FAM177A1: variants seen among roughly 807,000 people sequenced by gnomAD.
FAM177A1 encodes family with sequence similarity 177 member A1, also known as protein FAM177A1.
A neutral mutation model predicts 26.1 loss-of-function variants in FAM177A1; 22 were observed. The observed-to-expected ratio is 0.84, with a 90% CI of 0.60 to 1.20. The LOEUF is 1.20. Ranked by LOEUF, FAM177A1 falls within the 50% of genes most tolerant of loss-of-function variation. The probability of loss-of-function intolerance (pLI) is 0.00; values close to 1 mark genes in which losing one functional copy is unlikely to be tolerated. For missense variants in FAM177A1, 296 were observed against 291.1 expected, an observed-to-expected ratio of 1.02 and a Z score of -0.12; for synonymous variants, 95 against 99.3, an observed-to-expected ratio of 0.96 and a Z score of 0.26.
At chr14:35,069,227 A>T (rs2045281805) in intron 2 of FAM177A1, among the ~76,000 whole-genome samples, 1 of 151,510 alleles carries the variant, frequency 6.6e-6, no homozygotes, top group African/African-American at 2.4e-5. Context: ...GTTTGAATGT[A>T]TCGTTGGGTT....
At chr14:35,074,524 C>G (rs1165895382) in intron 2 of FAM177A1, among the ~76,000 whole-genome samples, 1 of 151,634 alleles carries the variant, frequency 6.6e-6, no homozygotes. Flanking sequence ...CGGGGTTTCT[C>G]CATGTTGGTC....
chr14:35,064,640 A>G (rs2045212282), intron 2 of FAM177A1, among the ~76,000 whole-genome samples: 1 of 150,626 alleles, frequency 6.6e-6, no homozygotes, highest in African/African-American at 2.4e-5. Flanking sequence ...GCAAAAAGAG[A>G]TACAATTTAT....
At chr14:35,050,975 C>T (rs2044958282) in intron 1 of FAM177A1, 1 of 152,024 alleles carries the variant, frequency 6.6e-6, no homozygotes, top group Non-Finnish European at 1.5e-5. Context: ...TTATTTTTTT[C>T]ATGGACACAA....
intron 1 of FAM177A1, among the ~76,000 whole-genome samples, chr14:35,047,784 A>AC (rs201362357): frequency 6.1e-4 from 39 of 64,114 alleles, no homozygotes; most frequent in East Asian, 1.2e-3. Context: ...AACAACAACA[A>AC]AAAAAAAACC....
intron 2 of FAM177A1, among the ~76,000 whole-genome samples, chr14:35,059,096 C>T (rs916256315): frequency 2.8e-4 from 42 of 151,942 alleles, no homozygotes; most frequent in African/African-American, 9.4e-4. Flanking sequence ...CCACCACACC[C>T]AGCTAATTTT....
intron 4 of FAM177A1, 47 bp downstream of exon 4, chr14:35,079,071 G>T: frequency 2.1e-6 from 3 of 1,423,320 alleles, no homozygotes; most frequent in Non-Finnish European, 2.9e-6. Context: ...GTTTGCTATG[G>T]ACTTGATGGG....
chr14:35,071,879 TA>T (rs1309722522), intron 2 of FAM177A1, among the ~76,000 whole-genome samples: 2 of 152,208 alleles, frequency 1.3e-5, no homozygotes, highest in Admixed American at 1.3e-4. Flanking sequence ...GCTAATAGCC[TA>T]GTGTTGACTG....
chr14:35,056,182 G>C (rs1469063829), intron 2 of FAM177A1, among the ~76,000 whole-genome samples: 1 of 146,126 alleles, frequency 6.8e-6, no homozygotes, highest in Non-Finnish European at 1.5e-5. Context: ...CTACAGAAAC[G>C]CACCACCACA....
At chr14:35,045,076 A>G (rs1566663713), upstream of FAM177A1, 4 of 152,120 alleles carry the variant, frequency 2.6e-5, no homozygotes, top group African/African-American at 4.8e-5. Context: ...ATGAATGCCA[A>G]TTCATGAAGT....
At chr14:35,048,076 C>A (rs117699879) in intron 1 of FAM177A1, among the ~76,000 whole-genome samples, 3 of 152,124 alleles carry the variant, frequency 2.0e-5, no homozygotes, top group Non-Finnish European at 4.4e-5. Context: ...ATATGGAATA[C>A]GTTTTTTCCC....
At chr14:35,078,257 C>T (rs1216383295) in intron 3 of FAM177A1, among the ~76,000 whole-genome samples, 1 of 152,182 alleles carries the variant, frequency 6.6e-6, no homozygotes, top group Admixed American at 6.5e-5. Context: ...CTACGCCTAA[C>T]CTTTCACAGT....
chr14:35,053,016 A>G, intron 1 of FAM177A1, among the ~76,000 whole-genome samples: 1 of 152,212 alleles, frequency 6.6e-6, no homozygotes, highest in East Asian at 1.9e-4. Flanking sequence ...TTACTGGCCA[A>G]GACATCTGGA....
At chr14:35,045,571 G>C (rs1232624433), upstream of FAM177A1, among the ~76,000 whole-genome samples, 2 of 152,092 alleles carry the variant, frequency 1.3e-5, no homozygotes, top group Middle Eastern at 3.2e-3. Flanking sequence ...TGTATGTTTT[G>C]GTTTTGCCCC....
At chr14:35,053,852 A>T (rs2045017500) in intron 2 of FAM177A1, among the ~76,000 whole-genome samples, 1 of 152,008 alleles carries the variant, frequency 6.6e-6, no homozygotes, top group African/African-American at 2.4e-5. Flanking sequence ...AATTAGCTGG[A>T]CGTATTGGTG....
At chr14:35,080,643 A>C (rs1566676959) in intron 4 of FAM177A1, among the ~76,000 whole-genome samples, 2 of 152,148 alleles carry the variant, frequency 1.3e-5, no homozygotes, top group Non-Finnish European at 2.9e-5. Flanking sequence ...TTTACTAAAA[A>C]TACAAAAATT....
intron 1 of FAM177A1, among the ~76,000 whole-genome samples, chr14:35,052,867 A>G (rs113266152): frequency 0.038 from 5,737 of 152,226 alleles, 107 homozygotes; most frequent in South Asian, 0.063. Flanking sequence ...GATTGCAGTG[A>G]GCCGTGATTG....
chr14:35,045,593 T>A (rs1438718379), upstream of FAM177A1, among the ~76,000 whole-genome samples: 2 of 152,198 alleles, frequency 1.3e-5, no homozygotes, highest in African/African-American at 2.4e-5. Context: ...TACATATTTG[T>A]GAAAACTTTC....
At chr14:35,079,914 G>A (rs1403415636) in intron 4 of FAM177A1, among the ~76,000 whole-genome samples, 1 of 152,148 alleles carries the variant, frequency 6.6e-6, no homozygotes. Flanking sequence ...CTGGACATGA[G>A]CCTGGAAAGG....
intron 2 of FAM177A1, among the ~76,000 whole-genome samples, chr14:35,071,202 T>C (rs192055274): frequency 1.4e-3 from 218 of 152,120 alleles, no homozygotes; most frequent in African/African-American, 5.1e-3. Flanking sequence ...TTTCACCGTG[T>C]TAGCCAGGAT....
Sources: allele counts gnomAD v4.1 joint callset (sites outside exome capture counted in the v4.1 genomes callset), GRCh38; gene constraint gnomAD v4.1.1; transcripts MANE v1.5; gene names NCBI Gene and HGNC (gene_info 2026-07-23, HGNC 2026-07-21).